The following RBFOX1 variants were observed in gnomAD, a reference collection of about 807,000 sequenced individuals.
The protein encoded by RBFOX1 is RNA binding fox-1 homolog 1.
A neutral mutation model predicts 57.7 loss-of-function variants in RBFOX1; 8 were observed. That is an observed-to-expected ratio of 0.14 (90% confidence interval 0.08 to 0.25). The LOEUF (loss-of-function observed/expected upper bound fraction) is 0.25. Among genes scored for constraint, RBFOX1 ranks in the 10% least tolerant of loss-of-function variants. The pLI, the probability that RBFOX1 is intolerant of heterozygous loss-of-function variation, is 1.00. For synonymous variants in RBFOX1, 326 were observed against 222.4 expected (o/e 1.47, Z -4.15); for missense variants, 611 against 548.5 (o/e 1.11, Z -1.14).
intron 3 of RBFOX1, among the ~76,000 whole-genome samples, chr16:5,648,775 C>T (rs557566612): frequency 1.3e-5 from 2 of 152,136 alleles, no homozygotes; most frequent in African/African-American, 4.8e-5. Flanking sequence ...TTAAAAATCA[C>T]ATTTTAGGCC....
intron 9 of RBFOX1, among the ~76,000 whole-genome samples, chr16:7,602,159 T>G (rs1291333504): frequency 6.6e-6 from 1 of 152,218 alleles, no homozygotes; most frequent in Non-Finnish European, 1.5e-5. Context: ...AGACTTGGCC[T>G]TTTAACACCC....
chr16:5,698,937 T>G (rs990293971), intron 3 of RBFOX1, among the ~76,000 whole-genome samples: 1 of 152,072 alleles, frequency 6.6e-6, no homozygotes, highest in Non-Finnish European at 1.5e-5. Flanking sequence ...CATCCATCTG[T>G]GTAGCTTGGT....
chr16:7,334,338 C>T (rs2096746759), intron 4 of RBFOX1, among the ~76,000 whole-genome samples: 1 of 152,060 alleles, frequency 6.6e-6, no homozygotes, highest in African/African-American at 2.4e-5. Flanking sequence ...TGCGTCTTCC[C>T]TGGTATACAC....
At chr16:6,536,225 G>T (rs77854666) in intron 2 of RBFOX1, among the ~76,000 whole-genome samples, 42 of 152,226 alleles carry the variant, frequency 2.8e-4, no homozygotes, top group African/African-American at 8.7e-4. Context: ...AAACTTACTT[G>T]CTTCCTTGGA....
chr16:7,116,367 C>A (rs924562996), intron 4 of RBFOX1, among the ~76,000 whole-genome samples: 4 of 152,090 alleles, frequency 2.6e-5, no homozygotes, highest in African/African-American at 9.7e-5. Flanking sequence ...ACTTTTGAGG[C>A]AAAGTATTAT....
rs139187479 is a variant in RBFOX1 at position 6,519,075 on chromosome 16, C to T, written c.-63-135528C>T. Among the ~76,000 whole-genome samples, 76 of 151,586 alleles carry T rather than the reference C, an allele frequency of 5.0e-4. 1 individual carries two copies. The highest frequency in any genetic ancestry group is 1.5e-3 in the African/African-American group (62 of 41,328). On this transcript the variant is annotated intron_variant, in intron 2 of 15. Coordinates refer to ENST00000550418, the MANE Select transcript of RBFOX1 (RefSeq NM_018723.4). ...TTTCTCCCTTCTCGGTGAGAAGCTG[C>T]CACCCATCGTATGCACAAAGTGGAA... is the stretch of plus-strand genomic sequence containing the variant.
intron 1 of RBFOX1, among the ~76,000 whole-genome samples, chr16:6,264,278 C>G (rs1480961203): frequency 2.0e-5 from 3 of 152,176 alleles, no homozygotes; most frequent in Non-Finnish European, 2.9e-5. Flanking sequence ...AAGTATGCAA[C>G]CGTTTCCATA....
Position 6,645,997 on chromosome 16 carries a change from C to T in RBFOX1, c.-63-8606C>T, listed in dbSNP as rs1050917067. Reference sequence around the variant, plus strand: ...CATCTGTCGCCAGCAAGTGAGCCTCCGCTGTTCAGGGTTTCCCGGCTACAA... The same window carrying T: ...CATCTGTCGCCAGCAAGTGAGCCTCTGCTGTTCAGGGTTTCCCGGCTACAA... On this transcript the variant is annotated intron_variant, in intron 2 of 15. Coordinates refer to ENST00000550418, the MANE Select transcript of RBFOX1 (RefSeq NM_018723.4). Among the ~76,000 whole-genome samples the T allele has an allele frequency of 3.9e-5, 6 of 152,088 alleles. No individual in the cohort carries two copies. In the East Asian group the frequency reaches 5.8e-4, roughly 15 times the overall value.
At chr16:7,292,194 A>G (rs1603517805) in intron 4 of RBFOX1, among the ~76,000 whole-genome samples, 2 of 122,638 alleles carry the variant, frequency 1.6e-5, no homozygotes, top group African/African-American at 6.1e-5. Flanking sequence ...ATGATATAGA[A>G]CGTATTATAT....
At chr16:7,116,633 G>A (rs1026331437) in intron 4 of RBFOX1, among the ~76,000 whole-genome samples, 1 of 152,182 alleles carries the variant, frequency 6.6e-6, no homozygotes, top group Non-Finnish European at 1.5e-5. Context: ...AGGGCTGCGG[G>A]AGTTAGAAAA....
At chr16:7,494,339 C>G (rs1276887538) in intron 4 of RBFOX1, among the ~76,000 whole-genome samples, 2 of 152,140 alleles carry the variant, frequency 1.3e-5, no homozygotes, top group African/African-American at 2.4e-5. Context: ...CTCTGGCCTT[C>G]CTACCATTGG....
At position 6,640,741 on chromosome 16, in the gene RBFOX1, C is replaced by G. The variant is rs117185994; in HGVS notation, c.-63-13862C>G. Among the ~76,000 whole-genome samples the G allele has an allele frequency of 2.2e-3, 329 of 152,256 alleles. 1 individual carries two copies. Among genetic ancestry groups the G allele is most frequent in the Non-Finnish European group, 3.3e-3 (222 of 68,016 alleles). ...CCCTCTAGAAAGGAATAAAAAAACT[C>G]CTTCTGAAGGATACAAGTTCCAGTT... On this transcript the variant is annotated intron_variant, in intron 2 of 15. Coordinates refer to ENST00000550418, the MANE Select transcript of RBFOX1 (RefSeq NM_018723.4).
chr16:6,697,247 G>C (rs1485215798), intron 3 of RBFOX1, among the ~76,000 whole-genome samples: 2 of 152,084 alleles, frequency 1.3e-5, no homozygotes, highest in Non-Finnish European at 2.9e-5. Context: ...TAGTGGACCA[G>C]GTTTTTAAAT....
chr16:7,319,345 G>A (rs2096501334), intron 4 of RBFOX1, among the ~76,000 whole-genome samples: 2 of 152,162 alleles, frequency 1.3e-5, no homozygotes, highest in Non-Finnish European at 1.5e-5. Context: ...TATGATAGGT[G>A]GGCGTGTAGA....
intron 2 of RBFOX1, among the ~76,000 whole-genome samples, chr16:5,518,521 C>T (rs929101652): frequency 6.6e-6 from 1 of 152,178 alleles, no homozygotes; most frequent in Non-Finnish European, 1.5e-5. Flanking sequence ...TTAAGTGGGT[C>T]AACCAGTGAT....
At chr16:5,339,470 G>GGTTTTTTTTTTTTTTTTTTTT (rs1567354925) in intron 1 of RBFOX1, among the ~76,000 whole-genome samples, 3 of 40,856 alleles carry the variant, frequency 7.3e-5, no homozygotes, top group Admixed American at 4.7e-4. Flanking sequence ...CTTTTTCCGT[G>GGTTTTTTTTTTTTTTTTTTTT]TTTTTTTTTT....
intron 1 of RBFOX1, among the ~76,000 whole-genome samples, chr16:6,020,506 G>A (rs191863281): frequency 7.9e-5 from 12 of 152,290 alleles, no homozygotes; most frequent in Admixed American, 7.8e-4. Flanking sequence ...TGGAGAAAGC[G>A]CCGCTGTGTT....
chr16:7,360,184 T>C (rs1312710790), intron 4 of RBFOX1, among the ~76,000 whole-genome samples: 2 of 152,218 alleles, frequency 1.3e-5, no homozygotes, highest in East Asian at 3.9e-4. Context: ...ATTCTGCATG[T>C]CACATGCTAT....
intron 3 of RBFOX1, among the ~76,000 whole-genome samples, chr16:6,673,193 C>A (rs1188002996): frequency 3.9e-5 from 6 of 152,158 alleles, no homozygotes; most frequent in Non-Finnish European, 5.9e-5. Context: ...CTCCATGCTC[C>A]TTCCAGAGTA....
Sources: gnomAD v4.1 joint callset for allele counts (sites outside exome capture counted in the v4.1 genomes callset) on GRCh38, gnomAD v4.1.1 for gene constraint, MANE v1.5 for transcripts, NCBI Gene and HGNC (gene_info 2026-07-23, HGNC 2026-07-21) for gene names.